PRKN: variants seen among roughly 807,000 people sequenced by gnomAD.
The protein encoded by PRKN is parkin RBR E3 ubiquitin protein ligase.
Under a neutral mutation model 59.5 loss-of-function variants are expected in PRKN, and 56 were observed. The ratio of observed to expected loss-of-function variants is 0.94; its 90% CI spans 0.76 to 1.18. PRKN has a LOEUF of 1.18. Ranked by LOEUF, PRKN falls within the 50% of genes most tolerant of loss-of-function variation. The probability of loss-of-function intolerance (pLI) is 0.00; values close to 1 mark genes in which losing one functional copy is unlikely to be tolerated. For synonymous variants in PRKN, 250 were observed against 222.1 expected, an observed-to-expected ratio of 1.13 and a Z score of -1.12; for missense variants, 657 against 596.4, an observed-to-expected ratio of 1.10 and a Z score of -1.06.
rs1054968004 is a variant in PRKN at position 161,461,780 on chromosome 6, A to T, written c.1084-74903T>A. Among the ~76,000 whole-genome samples the T allele has an allele frequency of 6.6e-6, 1 of 152,160 alleles. No individual in the cohort carries two copies. Among genetic ancestry groups the T allele is most frequent in the Non-Finnish European group, 1.5e-5 (1 of 68,032 alleles). On this transcript the variant is annotated intron_variant, in intron 9 of 11. Coordinates refer to ENST00000366898, the MANE Select transcript of PRKN (RefSeq NM_004562.3). The surrounding 1 kb of genome is among the most constrained non-coding windows in gnomAD (Gnocchi z 5.1). ...AAATGCTTATGAAAATTCCAAATGG[A>T]GGTATCCAGTAGGCAATGTGAAGTA...
intron 2 of PRKN, among the ~76,000 whole-genome samples, chr6:162,321,465 A>T (rs553707593): frequency 1.3e-5 from 2 of 152,096 alleles, no homozygotes; most frequent in African/African-American, 2.4e-5. Context: ...AAAGAAAAAG[A>T]AGCAATTCTA....
chr6:162,473,630 A>G (rs573971502), intron 1 of PRKN, among the ~76,000 whole-genome samples: 2 of 152,346 alleles, frequency 1.3e-5, no homozygotes, highest in East Asian at 1.9e-4. Context: ...TAATCAATAT[A>G]GGAGGTATTA....
At chr6:161,427,402 G>A (rs1427084848) in intron 9 of PRKN, among the ~76,000 whole-genome samples, 1 of 152,066 alleles carries the variant, frequency 6.6e-6, no homozygotes, top group African/African-American at 2.4e-5. Context: ...AGGAAACTGA[G>A]GCACACAAAA....
chr6:162,592,094 G>C (rs1247260305), intron 1 of PRKN, among the ~76,000 whole-genome samples: 1 of 152,120 alleles, frequency 6.6e-6, no homozygotes, highest in Non-Finnish European at 1.5e-5. Context: ...CCACCTCCCG[G>C]GTTCAAGAGA....
At chr6:162,174,009 T>A (rs1193478820) in intron 4 of PRKN, among the ~76,000 whole-genome samples, 2 of 152,184 alleles carry the variant, frequency 1.3e-5, no homozygotes, top group East Asian at 3.9e-4. Flanking sequence ...CCACCATATA[T>A]CCTGCTCTAT....
At chr6:161,895,870 A>G (rs528955924) in intron 6 of PRKN, among the ~76,000 whole-genome samples, 1 of 152,316 alleles carries the variant, frequency 6.6e-6, no homozygotes, top group East Asian at 1.9e-4. Context: ...GTTGGAGGGA[A>G]GAATTCTTAG....
intron 2 of PRKN, among the ~76,000 whole-genome samples, chr6:162,440,042 G>A (rs528012070): frequency 6.6e-6 from 1 of 152,244 alleles, no homozygotes; most frequent in Non-Finnish European, 1.5e-5. Flanking sequence ...TTGCTGGGAG[G>A]AAGAGGGAAA....
At chr6:162,054,066 G>T (rs768030209) in intron 5 of PRKN, 25 bp downstream of exon 5, 83 of 1,415,870 alleles carry the variant, frequency 5.9e-5, no homozygotes, top group Non-Finnish European at 8.2e-5. Context: ...TGCAATAAGA[G>T]GAATGAATGT....
intron 3 of PRKN, among the ~76,000 whole-genome samples, chr6:162,234,210 G>C (rs896712006): frequency 1.1e-4 from 16 of 152,176 alleles, no homozygotes; most frequent in African/African-American, 3.9e-4. Flanking sequence ...TTTGGACTCA[G>C]AGGGAGAATG....
At chr6:161,801,751 T>A (rs1245236570) in intron 6 of PRKN, among the ~76,000 whole-genome samples, 2 of 152,178 alleles carry the variant, frequency 1.3e-5, no homozygotes, top group Non-Finnish European at 2.9e-5. Flanking sequence ...CGGCTCCAGC[T>A]GCTTCAGATG....
intron 1 of PRKN, among the ~76,000 whole-genome samples, chr6:162,652,573 C>T (rs930113587): frequency 6.6e-6 from 1 of 152,044 alleles, no homozygotes; most frequent in African/African-American, 2.4e-5. Flanking sequence ...CAATACAACA[C>T]AATATAAGGT....
intron 7 of PRKN, among the ~76,000 whole-genome samples, chr6:161,670,680 G>A (rs1051494991): frequency 6.6e-6 from 1 of 152,146 alleles, no homozygotes; most frequent in South Asian, 2.1e-4. Context: ...GCCGGGCGTG[G>A]TGGCGGGTGC....
chr6:161,867,712 A>G (rs1036249002), intron 6 of PRKN, among the ~76,000 whole-genome samples: 1 of 151,242 alleles, frequency 6.6e-6, no homozygotes, highest in South Asian at 2.1e-4. Flanking sequence ...TTATCTGTCA[A>G]CTATTAGCAA....
chr6:162,362,625 TA>T (rs1217863561), intron 2 of PRKN, among the ~76,000 whole-genome samples: 3 of 152,128 alleles, frequency 2.0e-5, no homozygotes, highest in African/African-American at 7.2e-5. Flanking sequence ...TAAATCAGAC[TA>T]ACATGGGAGA....
chr6:162,118,354 C>T lies in PRKN; in HGVS notation c.535-64180G>A, dbSNP rs184335327. Among the ~76,000 whole-genome samples, 363 of 151,734 alleles carry T rather than the reference C, an allele frequency of 2.4e-3. 2 individuals are homozygous for T. Among genetic ancestry groups the T allele is most frequent in the African/African-American group, 7.5e-3 (309 of 41,380 alleles). On this transcript the variant is annotated intron_variant, in intron 4 of 11. Coordinates refer to ENST00000366898, the MANE Select transcript of PRKN (RefSeq NM_004562.3). ...CCGGGAGGTGGAGCTTGCAGTGAGC[C>T]GAGAACGCGCCACTGCACTCCAGCC...
intron 1 of PRKN, among the ~76,000 whole-genome samples, chr6:162,594,218 A>G (rs1469501494): frequency 6.6e-6 from 1 of 152,178 alleles, no homozygotes. Flanking sequence ...ATTCTTCATG[A>G]AACAATTCTG....
At chr6:162,116,959 A>G (rs562215678) in intron 4 of PRKN, among the ~76,000 whole-genome samples, 1 of 152,346 alleles carries the variant, frequency 6.6e-6, no homozygotes, top group African/African-American at 2.4e-5. Flanking sequence ...ACTGAATGAC[A>G]GCATCCATTC....
chr6:161,366,057 C>G (rs1443421134), intron 10 of PRKN, among the ~76,000 whole-genome samples: 1 of 152,196 alleles, frequency 6.6e-6, no homozygotes, highest in Non-Finnish European at 1.5e-5. Flanking sequence ...ATCCTACCCA[C>G]CAAGGTGATG....
chr6:162,367,566 A>G (rs1785516165), intron 2 of PRKN, among the ~76,000 whole-genome samples: 1 of 152,170 alleles, frequency 6.6e-6, no homozygotes, highest in South Asian at 2.1e-4. Context: ...CTCTGATTTC[A>G]TTCACAGGAT....
Sources: gnomAD v4.1 joint callset for allele counts (sites outside exome capture counted in the v4.1 genomes callset) on GRCh38, gnomAD v4.1.1 for gene constraint, Gnocchi (gnomAD v3.1) non-coding constraint, MANE v1.5 for transcripts, NCBI Gene and HGNC (gene_info 2026-07-23, HGNC 2026-07-21) for gene names.